Variants in BTG4 observed in about 807,000 individuals in gnomAD.
BTG4 encodes the protein BTG anti-proliferation factor 4.
In BTG4, 10 loss-of-function variants were observed where a neutral mutation model predicts 19.3. The observed-to-expected ratio is 0.52, with a 90% CI of 0.32 to 0.88. The LOEUF (loss-of-function observed/expected upper bound fraction) is 0.88. Among genes scored for constraint, BTG4 ranks in the 40% least tolerant of loss-of-function variants. The pLI is 0.04. For synonymous variants in BTG4, 91 were observed against 95.7 expected (o/e 0.95, Z 0.29); for missense variants, 238 against 281.9 (o/e 0.84, Z 1.11).
the BTG4 span, chr11:111,457,370 C>T: frequency 6.5e-6 from 1 of 152,870 alleles, no homozygotes; most frequent in Non-Finnish European, 1.5e-5. Flanking sequence ...TCTCGCCCAT[C>T]CTGGGAGTCG....
rs55989357 is a variant in BTG4 at position 111,476,135 on chromosome 11, T to TACACACACAC, written c.663-8464_663-8455dup. ...GCACCAAGAGAAGTACCAGAATAGA[T>TACACACACAC]ACACACACACACACACACACACACA... On this transcript the variant is annotated intron_variant, in intron 5 of 5. Transcript: ENST00000356018. Among the ~76,000 whole-genome samples the TACACACACAC allele has an allele frequency of 9.9e-3, 1,480 of 148,802 alleles. 20 individuals carry two copies. Among genetic ancestry groups the TACACACACAC allele is most frequent in the East Asian group, 0.053 (269 of 5,068 alleles).
chr11:111,436,635 G>GC, the BTG4 span, among the ~76,000 whole-genome samples: 1,737 of 145,694 alleles, frequency 0.012, 30 homozygotes, highest in African/African-American at 0.041. Flanking sequence ...CTCAAAAAAA[G>GC]AAAAAAAAAA....
chr11:111,497,084 T>G (rs1865780827), intron 4 of BTG4, 127 bp downstream of exon 4: 9 of 924,286 alleles, frequency 9.7e-6, no homozygotes, highest in Non-Finnish European at 1.4e-5. Context: ...ATATTAAGAG[T>G]CTGGCTTTTA....
the BTG4 span, among the ~76,000 whole-genome samples, chr11:111,461,179 T>G: frequency 6.6e-6 from 1 of 152,218 alleles, no homozygotes; most frequent in South Asian, 2.1e-4. Context: ...ATTCTCAGTC[T>G]GGTTACGTTT....
At chr11:111,467,703 T>C in intron 5 of BTG4, 1 of 749,884 alleles carries the variant, frequency 1.3e-6, no homozygotes, top group Non-Finnish European at 2.4e-6. Flanking sequence ...TATAGATAAA[T>C]GAAAGCAAAA....
intron 5 of BTG4, among the ~76,000 whole-genome samples, chr11:111,475,639 A>T (rs955902854): frequency 6.6e-6 from 1 of 151,924 alleles, no homozygotes; most frequent in African/African-American, 2.4e-5. Flanking sequence ...AATTTAGGTT[A>T]AAAAAAATCC....
the BTG4 span, among the ~76,000 whole-genome samples, chr11:111,444,607 T>C: frequency 1.1e-4 from 17 of 152,230 alleles, no homozygotes; most frequent in Non-Finnish European, 2.2e-4. Context: ...AAGATTGTTA[T>C]TGAATTGTTG....
At chr11:111,408,612 A>C in the BTG4 span, among the ~76,000 whole-genome samples, 70 of 152,302 alleles carry the variant, frequency 4.6e-4, no homozygotes, top group Middle Eastern at 3.4e-3. Context: ...GCTTTCATTC[A>C]TTTCTACCTG....
the BTG4 span, among the ~76,000 whole-genome samples, chr11:111,434,489 A>G: frequency 4.6e-5 from 7 of 152,192 alleles, no homozygotes; most frequent in African/African-American, 1.7e-4. Flanking sequence ...TGGCACATGT[A>G]TACCTATGTA....
the BTG4 span, among the ~76,000 whole-genome samples, chr11:111,421,643 G>T: frequency 6.6e-6 from 1 of 152,166 alleles, no homozygotes; most frequent in East Asian, 1.9e-4. Flanking sequence ...GGCTGGGCGT[G>T]GTGGCTCACA....
intron 3 of BTG4, 97 bp downstream of exon 3, chr11:111,497,901 C>T (rs1025956283): frequency 7.3e-7 from 1 of 1,371,870 alleles, no homozygotes; most frequent in African/African-American, 1.4e-5. Flanking sequence ...GCTGCCAACT[C>T]AAGGCTTTGG....
In BTG4 at chr11:111,495,261, C is replaced by G; in HGVS notation, c.564G>C (p.Lys188Asn). ...GGCCAACACGGCCGTCCACCACATT[C>G]TTTTTGCGGGGGATTTGTAACCAAG... is the stretch of plus-strand genomic sequence containing the variant. ...FQSWLQIPRK[K>N]NVVDGRVGLL... The change falls in exon 5 of 5, where the codon AAG (lysine) becomes AAC (asparagine). Residue 188 changes from lysine (K) to asparagine (N), a missense_variant. Transcript: ENST00000692032. 1.2e-6 allele frequency: 2 copies of G among 1,611,048 alleles called. No homozygotes were observed. Among genetic ancestry groups the G allele is most frequent in the Non-Finnish European group, 8.5e-7 (1 of 1,179,118 alleles).
intron 5 of BTG4, among the ~76,000 whole-genome samples, chr11:111,474,070 C>G (rs554791550): frequency 6.6e-6 from 1 of 152,090 alleles, no homozygotes; most frequent in Non-Finnish European, 1.5e-5. Flanking sequence ...ACAGTAGAGA[C>G]CTATCATGTC....
chr11:111,475,436 G>A (rs1016517454), intron 5 of BTG4: 24 of 152,012 alleles, frequency 1.6e-4, no homozygotes, highest in Admixed American at 2.6e-4. Context: ...GGCTAAGGTT[G>A]TCTATTACTG....
chr11:111,455,777 C>G, the BTG4 span: 1 of 450,950 alleles, frequency 2.2e-6, no homozygotes, highest in South Asian at 1.6e-5. Flanking sequence ...CAGCTGGACA[C>G]GGTGCTGGGC....
At chr11:111,435,710 A>G in the BTG4 span, among the ~76,000 whole-genome samples, 1 of 152,290 alleles carries the variant, frequency 6.6e-6, no homozygotes, top group South Asian at 2.1e-4. Context: ...CAAGGGGAGC[A>G]GAGATGTTGG....
intron 5 of BTG4, among the ~76,000 whole-genome samples, chr11:111,485,230 T>C (rs1864985649): frequency 6.6e-6 from 1 of 152,142 alleles, no homozygotes; most frequent in Admixed American, 6.6e-5. Flanking sequence ...AACACTGGAC[T>C]TAATCTGTAC....
Position 111,494,865 on chromosome 11 carries a change from G to A in BTG4, c.*270C>T, listed in dbSNP as rs369577203. ...AAACCATTACTTTTCATAATTCATTGAGTCTTATTAGAGGTCAACATCTTC... is the reference window on the plus strand; with the variant it reads ...AAACCATTACTTTTCATAATTCATTAAGTCTTATTAGAGGTCAACATCTTC... On this transcript the variant is annotated 3_prime_UTR_variant, in exon 5 of 5. Transcript: ENST00000692032. 5 of 978,584 alleles carry A rather than the reference G, an allele frequency of 5.1e-6. No homozygotes were observed. In the African/African-American group the frequency reaches 7.0e-5, roughly 14 times the overall value. 60.6% of individuals were successfully genotyped at this position (978,584 alleles called of 1,614,324 possible). A position where few individuals can be genotyped will look rare whatever the true frequency, so the allele number is the denominator to read the frequency against.
At chr11:111,483,309 A>G (rs1864855218) in intron 5 of BTG4, among the ~76,000 whole-genome samples, 1 of 152,156 alleles carries the variant, frequency 6.6e-6, no homozygotes, top group Admixed American at 6.6e-5. Flanking sequence ...TTAATTCTTC[A>G]ATGCCCAAAC....
Sources: gnomAD v4.1 joint callset for allele counts (sites outside exome capture counted in the v4.1 genomes callset) on GRCh38, gnomAD v4.1.1 for gene constraint, MANE v1.5 for transcripts, NCBI Gene and HGNC (gene_info 2026-07-23, HGNC 2026-07-21) for gene names.